RLF: variants seen among roughly 807,000 people sequenced by gnomAD.
The protein encoded by RLF is zinc finger protein Rlf.
RLF carries 7 observed loss-of-function variants against 162.9 expected under a neutral mutation model. That is an observed-to-expected ratio of 0.04 (90% CI 0.02 to 0.08). The LOEUF is 0.08. RLF is among the 10% of genes least tolerant of loss of function. The pLI is 1.00. For missense variants in RLF, 1,664 were observed against 2,244.7 expected (o/e 0.74, Z 5.23); for synonymous variants, 782 against 791.5 (o/e 0.99, Z 0.20).
chr1:40,171,630 G>A (rs930881536), intron 1 of RLF, among the ~76,000 whole-genome samples: 1 of 152,094 alleles, frequency 6.6e-6, no homozygotes, highest in Non-Finnish European at 1.5e-5. Flanking sequence ...GCTCATTCTA[G>A]AAACTTAAAA....
intron 1 of RLF, among the ~76,000 whole-genome samples, chr1:40,185,686 G>A (rs1642467047): frequency 6.9e-6 from 1 of 144,628 alleles, no homozygotes; most frequent in African/African-American, 2.5e-5. Flanking sequence ...AAATTAGCCG[G>A]GCATGGTGGC....
intron 5 of RLF, among the ~76,000 whole-genome samples, chr1:40,205,104 C>G (rs1369975693): frequency 1.3e-5 from 2 of 152,202 alleles, no homozygotes; most frequent in African/African-American, 4.8e-5. Flanking sequence ...TTCCCTGTCT[C>G]TGTTATAACC....
chr1:40,214,787 G>A (rs1642902703), intron 5 of RLF, among the ~76,000 whole-genome samples: 1 of 151,396 alleles, frequency 6.6e-6, no homozygotes, highest in East Asian at 1.9e-4. Context: ...GCTGGGTGTG[G>A]TAGTGTGCAC....
intron 5 of RLF, 46 bp from the exon 6 acceptor site, chr1:40,222,528 A>C: frequency 6.3e-7 from 1 of 1,595,068 alleles, no homozygotes; most frequent in Non-Finnish European, 8.5e-7. Flanking sequence ...AAGTTTACTG[A>C]AAAGTCACCA....
At chr1:40,210,156 C>T (rs914511751) in intron 5 of RLF, among the ~76,000 whole-genome samples, 2 of 152,158 alleles carry the variant, frequency 1.3e-5, no homozygotes, top group African/African-American at 4.8e-5. Flanking sequence ...TCAGCCTTTG[C>T]TTAATTAAAA....
chr1:40,197,688 A>G (rs1642655755), intron 4 of RLF, among the ~76,000 whole-genome samples: 2 of 152,206 alleles, frequency 1.3e-5, no homozygotes, highest in South Asian at 2.1e-4. Context: ...AGCACTCACT[A>G]TCTTTAAGAC....
chr1:40,176,229 A>C (rs1642324372), intron 1 of RLF, among the ~76,000 whole-genome samples: 1 of 152,200 alleles, frequency 6.6e-6, no homozygotes, highest in Non-Finnish European at 1.5e-5. Flanking sequence ...TTGTATGGAC[A>C]GATGCTTTTT....
intron 1 of RLF, among the ~76,000 whole-genome samples, chr1:40,169,736 A>G (rs879309761): frequency 7.1e-6 from 1 of 141,634 alleles, no homozygotes; most frequent in African/African-American, 2.6e-5. Flanking sequence ...TTTGTTGCCC[A>G]GGCTGGAGTG....
intron 3 of RLF, among the ~76,000 whole-genome samples, chr1:40,192,348 G>T (rs1642570452): frequency 6.6e-6 from 1 of 152,140 alleles, no homozygotes; most frequent in Non-Finnish European, 1.5e-5. Flanking sequence ...AAATGCTTAG[G>T]AGTAGTTTGG....
At chr1:40,173,154 G>A (rs1423153153) in intron 1 of RLF, among the ~76,000 whole-genome samples, 4 of 144,240 alleles carry the variant, frequency 2.8e-5, no homozygotes, top group Non-Finnish European at 6.0e-5. Context: ...TCGGCTCCCC[G>A]CAATATCTGC....
In RLF at chr1:40,203,185, G is replaced by T. The variant is rs950847233; in HGVS notation, c.810+571G>T. Among the ~76,000 whole-genome samples, 47 of 147,280 alleles carry T rather than the reference G, an allele frequency of 3.2e-4. 1 individual carries two copies. The highest frequency in any genetic ancestry group is 1.2e-3 in the African/African-American group (46 of 38,716). The stretch of plus-strand genomic sequence containing the variant: ...GCAGGAGTGCAGTGGTGCAATTTCG[G>T]CTCACTGCAGCCTCTGCCTCCCGGG... On this transcript the variant is annotated intron_variant, in intron 5 of 7. Coordinates refer to ENST00000372771, the MANE Select transcript of RLF (RefSeq NM_012421.4).
At chr1:40,225,675 G>T (rs1447616737) in intron 6 of RLF, among the ~76,000 whole-genome samples, 2 of 151,196 alleles carry the variant, frequency 1.3e-5, no homozygotes, top group Non-Finnish European at 2.9e-5. Flanking sequence ...AGGAGATCAA[G>T]ACCATCCTGG....
intron 6 of RLF, among the ~76,000 whole-genome samples, chr1:40,223,197 A>G (rs1643019839): frequency 6.6e-6 from 1 of 152,184 alleles, no homozygotes; most frequent in East Asian, 1.9e-4. Flanking sequence ...GTTTTAATTC[A>G]ATTTATATCT....
intron 1 of RLF, among the ~76,000 whole-genome samples, chr1:40,173,093 T>TTTTTTTTTTTTTTTTTG (rs1642269653): frequency 7.0e-6 from 1 of 142,774 alleles, no homozygotes; most frequent in African/African-American, 2.6e-5. Context: ...TTTTTTTTTG[T>TTTTTTTTTTTTTTTTTG]GAGGCAGAGT....
intron 5 of RLF, among the ~76,000 whole-genome samples, chr1:40,214,931 A>AAAAAAAAC (rs1351279221): frequency 2.0e-5 from 3 of 149,846 alleles, no homozygotes; most frequent in Non-Finnish European, 4.4e-5. Flanking sequence ...AAAAAAAAAA[A>AAAAAAAAC]AAAAAAAAAA....
At chr1:40,181,971 A>G (rs762408671) in intron 1 of RLF, among the ~76,000 whole-genome samples, 28 of 152,326 alleles carry the variant, frequency 1.8e-4, no homozygotes, top group Non-Finnish European at 3.4e-4. Context: ...TTTATATATA[A>G]TACTGCAAAG....
At chr1:40,175,211 G>A (rs1195078813) in intron 1 of RLF, among the ~76,000 whole-genome samples, 1 of 142,512 alleles carries the variant, frequency 7.0e-6, no homozygotes, top group African/African-American at 2.8e-5. Flanking sequence ...GGGGTGGGGG[G>A]GGGAGTTAAA....
In RLF at chr1:40,238,628, C is replaced by T. The variant is rs1264271433; in HGVS notation, c.3926C>T (p.Pro1309Leu). The change falls in exon 8 of 8, where the codon CCA becomes CTA. Residue 1309 changes from proline (P) to leucine (L), a missense_variant. Coordinates refer to ENST00000372771, the MANE Select transcript of RLF (RefSeq NM_012421.4). This position sits in a 1 kb window ranked among gnomAD's most constrained non-coding sequence, Gnocchi z 5.2. Reference protein sequence around the residue: ...LCYILNKYHKPFHCIHKTCNS... With the variant: ...LCYILNKYHKLFHCIHKTCNS... ...TATATTTTGAATAAATACCACAAAC[C>T]ATTCCATTGTATTCATAAAACTTGC... The T allele has an allele frequency of 6.2e-7, 1 of 1,613,302 alleles. No homozygotes were observed. Among genetic ancestry groups the T allele is most frequent in the Non-Finnish European group, 8.5e-7 (1 of 1,179,806 alleles).
rs376750389 is a variant in RLF, at chr1:40,239,823, T to G, written c.5121T>G (p.Thr1707=). 6.8e-6 allele frequency: 11 copies of G among 1,613,936 alleles called. No homozygotes were observed. The African/African-American group carries it at 1.3e-4, about 20-fold the overall frequency. The stretch of plus-strand genomic sequence containing the variant: ...ATTCCATACCTAATCCCAATGGGAC[T>G]GAAAGTGGGACTTATTTCACAAGTT... The part of the protein sequence containing the change: ...IENSIPNPNG[T]ESGTYFTSFQ... The change falls in exon 8 of 8, where the codon ACT becomes ACG. Residue 1707 remains threonine (T), a synonymous_variant. Coordinates refer to ENST00000372771, the MANE Select transcript of RLF (RefSeq NM_012421.4).
Sources: gnomAD v4.1 joint callset for allele counts (sites outside exome capture counted in the v4.1 genomes callset) on GRCh38, gnomAD v4.1.1 for gene constraint, Gnocchi (gnomAD v3.1) non-coding constraint, MANE v1.5 for transcripts, NCBI Gene and HGNC (gene_info 2026-07-23, HGNC 2026-07-21) for gene names.